FRS2: variants seen among roughly 807,000 people sequenced by gnomAD.
FRS2 encodes the protein fibroblast growth factor receptor substrate 2, also known as FGFR signalling adaptor.
FRS2 carries 8 observed loss-of-function variants against 43.9 expected under a neutral mutation model. That is an observed-to-expected ratio of 0.18 (90% CI 0.11 to 0.33). The LOEUF (loss-of-function observed/expected upper bound fraction) is 0.33. FRS2 is among the 10% of genes least tolerant of loss of function. The probability of loss-of-function intolerance (pLI) is 1.00; values close to 1 mark genes in which losing one functional copy is unlikely to be tolerated. For synonymous variants in FRS2, 219 were observed against 220.3 expected (o/e 0.99, Z 0.05); for missense variants, 534 against 627.6 (o/e 0.85, Z 1.59).
intron 3 of FRS2, 182 bp from the exon 4 acceptor site, chr12:69,561,998 A>C (rs1204305780): frequency 2.8e-5 from 10 of 354,304 alleles, no homozygotes; most frequent in Admixed American, 1.9e-4. Context: ...AAGAATGATA[A>C]CATGTGCATA....
At chr12:69,506,971 T>G (rs964413979) in intron 1 of FRS2, among the ~76,000 whole-genome samples, 1 of 152,270 alleles carries the variant, frequency 6.6e-6, no homozygotes, top group South Asian at 2.1e-4. Flanking sequence ...AGACCTGAGC[T>G]AGCATGCTCA....
intron 1 of FRS2, among the ~76,000 whole-genome samples, chr12:69,485,252 C>T (rs1379534493): frequency 1.3e-5 from 2 of 150,966 alleles, no homozygotes; most frequent in South Asian, 2.1e-4. Context: ...GCGCCGTCTC[C>T]GCTCACTGAA....
At chr12:69,494,292 C>T (rs1406243381) in intron 1 of FRS2, among the ~76,000 whole-genome samples, 1 of 152,152 alleles carries the variant, frequency 6.6e-6, no homozygotes, top group Non-Finnish European at 1.5e-5. Context: ...AGAGCTCTGT[C>T]TGTGATGGAG....
At chr12:69,476,778 C>T (rs1811478802) in intron 1 of FRS2, among the ~76,000 whole-genome samples, 1 of 151,114 alleles carries the variant, frequency 6.6e-6, no homozygotes, top group Non-Finnish European at 1.5e-5. Context: ...GGGTGGGGAA[C>T]TTAAGGTGCA....
chr12:69,527,204 C>T lies in FRS2; in HGVS notation c.-260-3661C>T, dbSNP rs554130587. 4.6e-5 allele frequency among the ~76,000 whole-genome samples: 7 copies of T among 152,166 alleles called. No homozygotes were observed. The South Asian group carries it at 1.2e-3, about 27-fold the overall frequency. On this transcript the variant is annotated intron_variant, in intron 1 of 8. Transcript: ENST00000549921. The stretch of plus-strand genomic sequence containing the variant: ...AATTCTTTTAGACCTAAGCATGGCA[C>T]ATTCTTTGGATTCACCCCTTAATGC...
At position 69,562,194 on chromosome 12, in the gene FRS2, CAAAG is replaced by C. The variant is rs1370669647; in HGVS notation, c.-103_-100del. On this transcript the variant is annotated 5_prime_UTR_variant, in exon 4 of 9. It removes the in-frame stop codon of an upstream open reading frame in the 5' UTR. Coordinates refer to ENST00000549921, the MANE Select transcript of FRS2 (RefSeq NM_001278356.2). ...TCTGTTTTTAGGTTAAATCAGCAAA[CAAAG>C]AAAACATGGTATTTTGAAATATGAT... The C allele has an allele frequency of 7.5e-6, 3 of 397,976 alleles. No individual in the cohort carries two copies. Among genetic ancestry groups the C allele is most frequent in the East Asian group, 7.1e-5 (2 of 28,010 alleles). The allele number at this position is 397,976 out of a possible 1,614,324, so 24.7% of individuals were successfully genotyped here.
chr12:69,502,293 A>G (rs996785032), intron 1 of FRS2, among the ~76,000 whole-genome samples: 1 of 152,186 alleles, frequency 6.6e-6, no homozygotes, highest in Admixed American at 6.5e-5. Context: ...TTAAAGGGAC[A>G]TCATTTATTA....
intron 1 of FRS2, among the ~76,000 whole-genome samples, chr12:69,499,170 G>T (rs1873203492): frequency 6.6e-6 from 1 of 152,154 alleles, no homozygotes; most frequent in African/African-American, 2.4e-5. Context: ...AACTATTAAA[G>T]ATTGTTGACT....
chr12:69,557,637 C>T, intron 3 of FRS2, among the ~76,000 whole-genome samples: 1 of 142,668 alleles, frequency 7.0e-6, no homozygotes, highest in South Asian at 2.2e-4. Context: ...CGCGCGCGCG[C>T]AGGTGCATGC....
rs1881319388 is a variant in FRS2, at chr12:69,578,199, T to C, written c.*3244T>C. 6.6e-6 allele frequency: 1 copy of C among 152,562 alleles called. No homozygotes were observed. Among genetic ancestry groups the C allele is most frequent in the Non-Finnish European group, 1.5e-5 (1 of 68,008 alleles). 9.5% of individuals were successfully genotyped at this position (152,562 alleles called of 1,614,324 possible). On this transcript the variant is annotated 3_prime_UTR_variant, in exon 9 of 9. Coordinates refer to ENST00000549921, the MANE Select transcript of FRS2 (RefSeq NM_001278356.2). ...ATGCCCAAATGTTTTGTGCAATGTG[T>C]AGTGTGTGTGTATAAATACATATAT...
At chr12:69,544,453 T>G (rs776260049) in intron 3 of FRS2, among the ~76,000 whole-genome samples, 1 of 152,154 alleles carries the variant, frequency 6.6e-6, no homozygotes, top group Non-Finnish European at 1.5e-5. Context: ...TGTCTGTAAT[T>G]TTAGCACTTT....
chr12:69,513,838 C>T (rs1874710278), intron 1 of FRS2, among the ~76,000 whole-genome samples: 1 of 152,148 alleles, frequency 6.6e-6, no homozygotes, highest in Admixed American at 6.5e-5. Context: ...ATGAAAGCTA[C>T]TCCTTGGATA....
chr12:69,491,504 C>CTTTTTTTTTTTTTTTTTTTT (rs1181575947), intron 1 of FRS2: 3 of 113,968 alleles, frequency 2.6e-5, no homozygotes. Context: ...GCGTTTCTTC[C>CTTTTTTTTTTTTTTTTTTTT]ATTTTTTTTT....
rs946526891 is a variant in FRS2, at chr12:69,558,965, A to G, written c.-121-3215A>G. Among the ~76,000 whole-genome samples the G allele has an allele frequency of 5.9e-5, 9 of 152,342 alleles. No homozygotes were observed. In the East Asian group the frequency reaches 1.5e-3, roughly 26 times the overall value. ...AGTTGCTTAAAAATCATTTTTATCT[A>G]CTAAGTAACCTTTTGTTAGCTTAAT... On this transcript the variant is annotated intron_variant, in intron 3 of 8. Coordinates refer to ENST00000549921, the MANE Select transcript of FRS2 (RefSeq NM_001278356.2).
chr12:69,578,578 AGCATGGAAACAGACTGG>A lies in FRS2; in HGVS notation c.*3624_*3640del, dbSNP rs1240701591. 1.3e-5 allele frequency: 2 copies of A among 152,588 alleles called. No individual in the cohort carries two copies. Among genetic ancestry groups the A allele is most frequent in the African/African-American group, 4.8e-5 (2 of 41,438 alleles). 9.5% of individuals were successfully genotyped at this position (152,588 alleles called of 1,614,324 possible). Reference sequence around the variant, plus strand: ...AGTTCTATGGCAATTGGACAGTTATAGCATGGAAACAGACTGGTATAAGTAGTACAGTAGTCACCAGT... The same window carrying A: ...AGTTCTATGGCAATTGGACAGTTATATATAAGTAGTACAGTAGTCACCAGT... On this transcript the variant is annotated 3_prime_UTR_variant, in exon 9 of 9. Coordinates refer to ENST00000549921, the MANE Select transcript of FRS2 (RefSeq NM_001278356.2).
intron 1 of FRS2, among the ~76,000 whole-genome samples, chr12:69,515,574 GTCTC>G (rs756024328): frequency 7.2e-5 from 11 of 151,774 alleles, no homozygotes; most frequent in Non-Finnish European, 1.5e-4. Context: ...CTCTCTTGCT[GTCTC>G]TCTCTCTCAC....
intron 3 of FRS2, among the ~76,000 whole-genome samples, chr12:69,540,163 G>T (rs1260941539): frequency 1.3e-5 from 2 of 151,364 alleles, no homozygotes; most frequent in East Asian, 3.9e-4. Context: ...TGAGGCAGAG[G>T]AGTGACATGA....
At chr12:69,508,011 C>T (rs941002130) in intron 1 of FRS2, among the ~76,000 whole-genome samples, 7 of 107,416 alleles carry the variant, frequency 6.5e-5, no homozygotes, top group East Asian at 2.7e-4. Flanking sequence ...GCAACAAGAG[C>T]GAAACCCCGT....
At chr12:69,482,178 G>A (rs1297073750) in intron 1 of FRS2, among the ~76,000 whole-genome samples, 1 of 152,076 alleles carries the variant, frequency 6.6e-6, no homozygotes, top group Admixed American at 6.5e-5. Context: ...GCTAAGATTT[G>A]TTAGATCAAG....
Sources: gnomAD v4.1 joint callset for allele counts (sites outside exome capture counted in the v4.1 genomes callset) on GRCh38, gnomAD v4.1.1 for gene constraint, MANE v1.5 for transcripts, NCBI Gene and HGNC (gene_info 2026-07-23, HGNC 2026-07-21) for gene names.